SLC12A3: variants seen among roughly 807,000 people sequenced by gnomAD.
SLC12A3 encodes the protein solute carrier family 12 member 3.
SLC12A3 carries 104 observed loss-of-function variants against 121.0 expected under a neutral mutation model. The ratio of observed to expected loss-of-function variants is 0.86; its 90% CI spans 0.73 to 1.01. SLC12A3 has a LOEUF of 1.01. Ranked by LOEUF, SLC12A3 falls within the 50% of genes least tolerant of loss-of-function variation. The pLI is 0.00. For missense variants in SLC12A3, 1,328 were observed against 1,356.3 expected (o/e 0.98, Z 0.33); for synonymous variants, 536 against 533.4 (o/e 1.00, Z -0.07).
intron 14 of SLC12A3, among the ~76,000 whole-genome samples, chr16:56,885,041 A>G (rs1458306071): frequency 1.3e-5 from 2 of 152,156 alleles, no homozygotes; most frequent in Non-Finnish European, 2.9e-5. Context: ...TGCTAGGATT[A>G]CAGGTGTGAG....
intron 13 of SLC12A3, among the ~76,000 whole-genome samples, chr16:56,883,128 C>T (rs2055263172): frequency 1.3e-5 from 2 of 152,102 alleles, no homozygotes; most frequent in South Asian, 4.1e-4. Flanking sequence ...CCCAAAGTCA[C>T]AGCTAGGGCT....
At position 56,892,879 on chromosome 16, in the gene SLC12A3, G is replaced by GGT. The variant is rs1382889525; in HGVS notation, c.2420-73_2420-72insTG. On this transcript the variant is annotated intron_variant, in intron 20 of 25. Coordinates refer to ENST00000563236, the MANE Select transcript of SLC12A3 (RefSeq NM_001126108.2). ...CGTGTTCAACATCAGAAGGGGCGTT[G>GGT]GCGGGGCCCTGGGCCAGGCCTGCCT... 34 of 1,213,754 alleles carry GGT rather than the reference G, an allele frequency of 2.8e-5. No homozygotes were observed. In the East Asian group the frequency reaches 5.8e-4, roughly 21 times the overall value. 75.2% of individuals were successfully genotyped at this position (1,213,754 alleles called of 1,614,324 possible). A position where few individuals can be genotyped will look rare whatever the true frequency, so the allele number is the denominator to read the frequency against.
chr16:56,904,495 C>A, intron 25 of SLC12A3, 33 bp downstream of exon 25: 4 of 1,602,584 alleles, frequency 2.5e-6, no homozygotes, highest in South Asian at 1.1e-5. Flanking sequence ...GAGGACCAGT[C>A]TGTCCAGAGT....
At position 56,879,460 on chromosome 16, in the gene SLC12A3, C is replaced by T. The variant is rs574036844; in HGVS notation, c.1336-82C>T. ...GGAGGCTCAGGACCCAGCCCCTGCC[C>T]GCAGTAGGGAATGAAGTGCCACAGA... On this transcript the variant is annotated intron_variant, in intron 10 of 25. Transcript: ENST00000563236. 2.3e-5 allele frequency: 28 copies of T among 1,239,234 alleles called. No homozygotes were observed. The Admixed American group carries it at 3.0e-4, about 13-fold the overall frequency. 76.8% of individuals were successfully genotyped at this position (1,239,234 alleles called of 1,614,324 possible).
At chr16:56,866,508 A>G (rs1964360032) in intron 1 of SLC12A3, among the ~76,000 whole-genome samples, 1 of 152,132 alleles carries the variant, frequency 6.6e-6, no homozygotes, top group South Asian at 2.1e-4. Flanking sequence ...GGGACCAACT[A>G]TGTGGCCTTG....
rs2055547464 is a variant in SLC12A3 at position 56,902,258 on chromosome 16, G to A, written c.2721-115G>A. 15 of 1,347,438 alleles carry A rather than the reference G, an allele frequency of 1.1e-5. No homozygotes were observed. The East Asian group carries it at 3.3e-4, about 29-fold the overall frequency. The allele number at this position is 1,347,438 out of a possible 1,614,324, so 83.5% of individuals were successfully genotyped here. ...CTTTGTAAATGGCAGTGTCCGATGG[G>A]TTTCAGCCTGAAAATGGGAGCTGTG... On this transcript the variant is annotated intron_variant, in intron 23 of 25. Coordinates refer to ENST00000563236, the MANE Select transcript of SLC12A3 (RefSeq NM_001126108.2).
chr16:56,904,441 G>C lies in SLC12A3; in HGVS notation c.2903G>C (p.Arg968Pro), dbSNP rs186979818. The C allele has an allele frequency of 1.9e-6, 3 of 1,613,890 alleles. No homozygotes were observed. The highest frequency in any genetic ancestry group is 1.7e-4 in the Middle Eastern group (1 of 6,060). ...AATGAGATTGTGCTGGATTACTCCC[G>C]AGACGCTGCTCTCATCGTCATGTAA... ...RLNEIVLDYS[R>P]DAALIVITLP... Residue 968 changes from arginine (R) to proline (P), a missense_variant, in exon 25 of 26, where the codon CGA (arginine) becomes CCA (proline). Transcript: ENST00000563236.
In SLC12A3 at chr16:56,900,436, TTGA is replaced by T. The variant is rs1376400630; in HGVS notation, c.2720+825_2720+827del. 2.6e-5 allele frequency among the ~76,000 whole-genome samples: 4 copies of T among 152,296 alleles called. No individual in the cohort carries two copies. The East Asian group carries it at 7.7e-4, about 29-fold the overall frequency. Reference sequence around the variant, plus strand: ...AGCAAAGCCTTGCGAAAGGCTGGCCTTGATGATCAAAAAGAGATCAGGGAGATC... The same window carrying T: ...AGCAAAGCCTTGCGAAAGGCTGGCCTTGATCAAAAAGAGATCAGGGAGATC... On this transcript the variant is annotated intron_variant, in intron 23 of 25. Transcript: ENST00000563236.
At chr16:56,893,098 G>A (rs1420331063) in intron 21 of SLC12A3, 44 bp downstream of exon 21, 1 of 1,494,628 alleles carries the variant, frequency 6.7e-7, no homozygotes, top group South Asian at 1.2e-5. Context: ...GGCGGGGGCG[G>A]GGTGGTGGTG....
Position 56,870,094 on chromosome 16 carries a change from A to G in SLC12A3, c.602-2A>G, listed in dbSNP as rs766670862. On this transcript the variant is annotated splice_acceptor_variant, in intron 4 of 25. Transcript: ENST00000563236. LOFTEE classifies it high-confidence loss of function. ...TCATGGTTCCCGGCTCTGCCCTGAT[A>G]GGTGGCACCTACTTCCTCATCTCCC... 1.5e-5 allele frequency: 24 copies of G among 1,612,788 alleles called. No homozygotes were observed. The highest frequency in any genetic ancestry group is 1.9e-5 in the Non-Finnish European group (22 of 1,180,028).
At position 56,885,299 on chromosome 16, in the gene SLC12A3, C is replaced by T; in HGVS notation, c.1860C>T (p.Ser620=). ...GGGGCTCCTCGGTACAGGCTGGCTC[C>T]TACAACCTGGCCCTCAGCTACTCGG... ...VNWGSSVQAG[S]YNLALSYSVG... is the part of the protein sequence containing the mutation. The change falls in exon 15 of 26, where the codon TCC becomes TCT. Residue 620 remains serine, a synonymous_variant. Transcript: ENST00000563236. 2.6e-6 allele frequency: 4 copies of T among 1,555,340 alleles called. No homozygotes were observed. Among genetic ancestry groups the T allele is most frequent in the Non-Finnish European group, 3.5e-6 (4 of 1,149,002 alleles).
At position 56,893,015 on chromosome 16, in the gene SLC12A3, A is replaced by G. The variant is rs1207291583; in HGVS notation, c.2482A>G (p.Lys828Glu). 2.5e-6 allele frequency: 4 copies of G among 1,614,238 alleles called. No homozygotes were observed. In the South Asian group the frequency reaches 4.4e-5, roughly 18 times the overall value. Residue 828 changes from lysine to glutamate, a missense_variant, in exon 21 of 26, where the codon AAG (lysine) becomes GAG (glutamate). Transcript: ENST00000563236. ...CACCATCTTCCAGTCGGAGCAGGGC[A>G]AGAAGACCATAGACATCTACTGGCT... ...ATTIFQSEQG[K>E]KTIDIYWLFD...
intron 20 of SLC12A3, 56 bp from the exon 21 acceptor site, chr16:56,892,897 G>T: frequency 2.0e-6 from 3 of 1,468,696 alleles, no homozygotes; most frequent in Non-Finnish European, 1.9e-6. Context: ...CCTGGGCCAG[G>T]CCTGCCTGGA....
In SLC12A3 at chr16:56,870,760, G is replaced by A. The variant is rs565611713; in HGVS notation, c.852+24G>A. 182 of 1,458,290 alleles carry A rather than the reference G, an allele frequency of 1.2e-4. 5 individuals carry two copies. In the South Asian group the frequency reaches 2.0e-3, roughly 16 times the overall value. 90.3% of individuals were successfully genotyped at this position (1,458,290 alleles called of 1,614,324 possible). ...AGGTGAGGAGGCCATGGAGGAGGGG[G>A]ACATGGAGGTGGTCACGTGGAGAAG... is the stretch of plus-strand genomic sequence containing the variant. On this transcript the variant is annotated intron_variant, in intron 6 of 25. Transcript: ENST00000563236.
At chr16:56,888,172 G>T in intron 18 of SLC12A3, 141 bp downstream of exon 18, 1 of 632,022 alleles carries the variant, frequency 1.6e-6, no homozygotes, top group Non-Finnish European at 2.9e-6. Context: ...CCAGCTACTT[G>T]GGAGGCTGAG....
intron 24 of SLC12A3, among the ~76,000 whole-genome samples, 180 bp downstream of exon 24, chr16:56,902,688 CAG>C (rs1403230486): frequency 6.6e-6 from 1 of 152,184 alleles, no homozygotes; most frequent in Non-Finnish European, 1.5e-5. Flanking sequence ...CTGTGGAACT[CAG>C]TGCTATCCTT....
At chr16:56,904,175 AG>A in intron 24 of SLC12A3, 1 of 523,764 alleles carries the variant, frequency 1.9e-6, no homozygotes, top group South Asian at 1.9e-5. Context: ...GGCAAGGAAA[AG>A]CCACAGAATG....
chr16:56,878,068 C>A lies in SLC12A3; in HGVS notation c.1096-9C>A. The A allele has an allele frequency of 7.3e-7, 1 of 1,373,248 alleles. No homozygotes were observed. Among genetic ancestry groups the A allele is most frequent in the Non-Finnish European group, 1.0e-6 (1 of 988,046 alleles). The allele number at this position is 1,373,248 out of a possible 1,614,324, so 85.1% of individuals were successfully genotyped here. A position where few individuals can be genotyped will look rare whatever the true frequency, so the allele number is the denominator to read the frequency against. ...CCTCCCTCCCTCCCTCTCTCCCTCCCTCCTTCAGGACCCTGCTATAGCCAT... is the reference window on the plus strand; with the variant it reads ...CCTCCCTCCCTCCCTCTCTCCCTCCATCCTTCAGGACCCTGCTATAGCCAT... On this transcript the variant is annotated splice_polypyrimidine_tract_variant and intron_variant, in intron 8 of 25. Coordinates refer to ENST00000563236, the MANE Select transcript of SLC12A3 (RefSeq NM_001126108.2).
At chr16:56,902,245 C>A in intron 23 of SLC12A3, 128 bp from the exon 24 acceptor site, 1 of 1,155,332 alleles carries the variant, frequency 8.7e-7, no homozygotes, top group Admixed American at 1.9e-5. Context: ...TTGTAAATGG[C>A]AGTGTCCGAT....
Sources: gnomAD v4.1 joint callset for allele counts (sites outside exome capture counted in the v4.1 genomes callset) on GRCh38, gnomAD v4.1.1 for gene constraint, MANE v1.5 for transcripts, NCBI Gene and HGNC (gene_info 2026-07-23, HGNC 2026-07-21) for gene names.